EML6: variants seen among roughly 807,000 people sequenced by gnomAD.
EML6 encodes EMAP like 6, also known as echinoderm microtubule-associated protein-like 6.
EML6 carries 154 observed loss-of-function variants against 240.1 expected under a neutral mutation model. The observed-to-expected ratio is 0.64, with a 90% CI of 0.56 to 0.73. The LOEUF is 0.73. Ranked by LOEUF, EML6 falls within the 30% of genes least tolerant of loss-of-function variation. EML6 has a pLI of 0.00. For missense variants in EML6, 2,964 were observed against 2,474.6 expected, an observed-to-expected ratio of 1.20 and a Z score of -4.20; for synonymous variants, 1,148 against 899.0, an observed-to-expected ratio of 1.28 and a Z score of -4.95.
At chr2:54,822,271 C>G (rs566597157) in intron 5 of EML6, among the ~76,000 whole-genome samples, 1 of 152,190 alleles carries the variant, frequency 6.6e-6, no homozygotes, top group African/African-American at 2.4e-5. Flanking sequence ...TGACCACTCT[C>G]AAACCTTGCT....
chr2:54,860,059 C>T (rs1278752350), intron 12 of EML6, among the ~76,000 whole-genome samples: 1 of 152,156 alleles, frequency 6.6e-6, no homozygotes, highest in Non-Finnish European at 1.5e-5. Context: ...AACTCCTACC[C>T]ACCAGGCAAC....
intron 2 of EML6, among the ~76,000 whole-genome samples, chr2:54,728,258 G>T (rs556808786): frequency 6.6e-6 from 1 of 152,278 alleles, no homozygotes; most frequent in East Asian, 1.9e-4. Flanking sequence ...TTCTACTTTA[G>T]GTAGTAGAAC....
At chr2:54,914,242 A>T (rs900150047) in intron 25 of EML6, among the ~76,000 whole-genome samples, 2 of 152,228 alleles carry the variant, frequency 1.3e-5, no homozygotes, top group African/African-American at 4.8e-5. Flanking sequence ...AAGGAAACTA[A>T]GGCTCTGTAA....
chr2:54,876,215 G>C (rs1331938963), intron 16 of EML6, among the ~76,000 whole-genome samples: 1 of 152,142 alleles, frequency 6.6e-6, no homozygotes, highest in East Asian at 1.9e-4. Context: ...CCAAAGCTAA[G>C]ACCACGGCTT....
In EML6 at chr2:54,960,843, C is replaced by A. The variant is rs141409445; in HGVS notation, c.4968+509C>A. Reference sequence around the variant, plus strand: ...TCGGGTTTTAAAGAATATGGATGTCCGGGCACCCACCTGGAGCTGGTGAAT... The same window carrying A: ...TCGGGTTTTAAAGAATATGGATGTCAGGGCACCCACCTGGAGCTGGTGAAT... On this transcript the variant is annotated intron_variant, in intron 35 of 41. Transcript: ENST00000356458. 8.8e-3 allele frequency among the ~76,000 whole-genome samples: 1,334 copies of A among 152,170 alleles called. 20 individuals are homozygous for A. The highest frequency in any genetic ancestry group is 0.014 in the Middle Eastern group (4 of 294).
At chr2:54,920,344 G>A (rs1573144301) in intron 26 of EML6, among the ~76,000 whole-genome samples, 1 of 152,120 alleles carries the variant, frequency 6.6e-6, no homozygotes, top group East Asian at 1.9e-4. Flanking sequence ...AACTGATACT[G>A]TAGAAATACA....
intron 7 of EML6, among the ~76,000 whole-genome samples, chr2:54,829,814 A>G (rs1572964953): frequency 6.6e-6 from 1 of 152,210 alleles, no homozygotes; most frequent in East Asian, 1.9e-4. Flanking sequence ...CAAACAAATG[A>G]GAGGAGAAAT....
intron 2 of EML6, among the ~76,000 whole-genome samples, chr2:54,761,228 C>G (rs966334485): frequency 2.6e-5 from 4 of 151,950 alleles, no homozygotes; most frequent in Admixed American, 1.3e-4. Context: ...GTGGAACGGA[C>G]TTGTTTAATG....
chr2:54,836,867 T>C (rs1669178366), intron 7 of EML6, among the ~76,000 whole-genome samples: 1 of 152,296 alleles, frequency 6.6e-6, no homozygotes, highest in East Asian at 1.9e-4. Flanking sequence ...TCCTCCTTCA[T>C]TTCTTTCACA....
At chr2:54,743,087 A>G (rs1421329563) in intron 2 of EML6, among the ~76,000 whole-genome samples, 1 of 152,382 alleles carries the variant, frequency 6.6e-6, no homozygotes, top group East Asian at 1.9e-4. Context: ...AATAAAAACT[A>G]GTAAGATAAT....
At chr2:54,844,022 C>G in intron 7 of EML6, 25 bp from the exon 8 acceptor site, 11 of 1,195,118 alleles carry the variant, frequency 9.2e-6, no homozygotes, top group East Asian at 3.3e-5. Flanking sequence ...TGAAGATTTG[C>G]TTTTGTTTTA....
intron 28 of EML6, among the ~76,000 whole-genome samples, chr2:54,947,295 C>G (rs990602686): frequency 6.6e-6 from 1 of 152,184 alleles, no homozygotes; most frequent in South Asian, 2.1e-4. Flanking sequence ...ATTGTGAGAA[C>G]TGGCATGCCC....
chr2:54,789,531 A>AG (rs1363495144), intron 2 of EML6, among the ~76,000 whole-genome samples: 9 of 140,716 alleles, frequency 6.4e-5, no homozygotes, highest in African/African-American at 2.1e-4. Flanking sequence ...AAAAAAAAAA[A>AG]AAAAAAAAAA....
intron 8 of EML6, among the ~76,000 whole-genome samples, chr2:54,845,053 A>C (rs931550655): frequency 1.3e-5 from 2 of 152,208 alleles, no homozygotes; most frequent in Non-Finnish European, 2.9e-5. Flanking sequence ...CTGGGTTTTG[A>C]TAGCTAATAT....
In EML6 at chr2:54,795,906, G is replaced by T. The variant is rs575756470; in HGVS notation, c.198-17326G>T. ...TTCAGCTTAAAAAGCTGCTTCTGTG[G>T]AATTTGCATGATTTCTCTTTCATGG... On this transcript the variant is annotated intron_variant, in intron 2 of 41. Coordinates refer to ENST00000356458, the MANE Select transcript of EML6 (RefSeq NM_001039753.4). Among the ~76,000 whole-genome samples, 13 of 152,276 alleles carry T rather than the reference G, an allele frequency of 8.5e-5. No homozygotes were observed. In the South Asian group the frequency reaches 2.1e-3, roughly 24 times the overall value.
chr2:54,760,174 TTAAC>T (rs1043121297), intron 2 of EML6, among the ~76,000 whole-genome samples: 67 of 152,052 alleles, frequency 4.4e-4, no homozygotes, highest in African/African-American at 1.5e-3. Flanking sequence ...AAATTAATTT[TTAAC>T]TACTTAAGTA....
chr2:54,760,049 G>A (rs753187020), intron 2 of EML6, among the ~76,000 whole-genome samples: 5 of 151,892 alleles, frequency 3.3e-5, no homozygotes, highest in Admixed American at 2.0e-4. Flanking sequence ...AAGAATGTTA[G>A]TAATTTAAAT....
intron 12 of EML6, among the ~76,000 whole-genome samples, chr2:54,861,008 A>C (rs1183317639): frequency 6.6e-6 from 1 of 152,208 alleles, no homozygotes; most frequent in Non-Finnish European, 1.5e-5. Context: ...ATCCCCTTGG[A>C]GCAGTGCAGA....
chr2:54,777,059 G>T (rs1240701981), intron 2 of EML6, among the ~76,000 whole-genome samples: 3 of 152,182 alleles, frequency 2.0e-5, no homozygotes, highest in Non-Finnish European at 4.4e-5. Context: ...CCAGAGTAAG[G>T]ACAGCTTTAT....
Sources: allele counts gnomAD v4.1 joint callset (sites outside exome capture counted in the v4.1 genomes callset), GRCh38; gene constraint gnomAD v4.1.1; transcripts MANE v1.5; gene names NCBI Gene and HGNC (gene_info 2026-07-23, HGNC 2026-07-21).